The following WWOX variants were observed in gnomAD, a reference collection of about 807,000 sequenced individuals.
The protein encoded by WWOX is WW domain-containing oxidoreductase.
Under a neutral mutation model 46.2 loss-of-function variants are expected in WWOX, and 69 were observed. That is an observed-to-expected ratio of 1.49 (90% confidence interval 1.23 to 1.82). WWOX has a LOEUF of 1.82. WWOX is among the 40% of genes most tolerant of loss of function. The pLI is 0.00. For missense variants in WWOX, 919 were observed against 542.6 expected (o/e 1.69, Z -6.89); for synonymous variants, 359 against 202.6 (o/e 1.77, Z -6.56).
chr16:78,826,642 C>T (rs1429848292), intron 8 of WWOX, among the ~76,000 whole-genome samples: 3 of 152,182 alleles, frequency 2.0e-5, no homozygotes, highest in Admixed American at 6.5e-5. Context: ...TGGCTGATCT[C>T]ATGTCAAGAT....
At chr16:78,151,913 A>G (rs765709858) in intron 4 of WWOX, among the ~76,000 whole-genome samples, 1 of 152,172 alleles carries the variant, frequency 6.6e-6, no homozygotes, top group Non-Finnish European at 1.5e-5. Flanking sequence ...CATGGAGGCC[A>G]GGCGCGGTGG....
chr16:78,314,591 A>G (rs1209472888), intron 5 of WWOX, among the ~76,000 whole-genome samples: 1 of 140,934 alleles, frequency 7.1e-6, no homozygotes, highest in Non-Finnish European at 1.5e-5. Flanking sequence ...ATGGCGTGAT[A>G]CTGGCTCACT....
At chr16:78,873,792 G>C (rs140469030) in intron 8 of WWOX, among the ~76,000 whole-genome samples, 1,717 of 152,128 alleles carry the variant, frequency 0.011, 22 homozygotes, top group Middle Eastern at 0.024. Context: ...GCCTCAAAAA[G>C]TAAATAAAAT....
chr16:78,708,809 T>A (rs1296119968), intron 8 of WWOX, among the ~76,000 whole-genome samples: 3 of 152,122 alleles, frequency 2.0e-5, no homozygotes, highest in Admixed American at 6.5e-5. Flanking sequence ...AGAAACCAGG[T>A]GTTGGCCATA....
intron 8 of WWOX, among the ~76,000 whole-genome samples, chr16:79,058,121 CA>C (rs2048297372): frequency 3.4e-5 from 1 of 29,672 alleles, no homozygotes. Context: ...AAAAAAAAAA[CA>C]AACAAACAAA....
chr16:79,013,911 C>T (rs1344063219), intron 8 of WWOX, among the ~76,000 whole-genome samples: 4 of 152,094 alleles, frequency 2.6e-5, no homozygotes, highest in African/African-American at 4.8e-5. Context: ...CCGGGTCCAG[C>T]GACAAGAACA....
At chr16:78,331,780 G>A (rs73576450) in intron 5 of WWOX, among the ~76,000 whole-genome samples, 2,024 of 152,280 alleles carry the variant, frequency 0.013, 52 homozygotes, top group African/African-American at 0.047. Context: ...CGAAGTGCCA[G>A]TTGTGTGCCT....
chr16:78,979,382 A>G lies in WWOX; in HGVS notation c.1057-232226A>G, dbSNP rs561180488. On this transcript the variant is annotated intron_variant, in intron 8 of 8. Transcript: ENST00000566780. ...AGTGAAAACTGCTTCTGTTATTAAC[A>G]TCAGCAGCAGCAACAAGAAGAGAGA... Among the ~76,000 whole-genome samples the G allele has an allele frequency of 3.2e-3, 487 of 152,260 alleles. 8 individuals are homozygous for G. The highest frequency in any genetic ancestry group is 4.0e-4 in the Non-Finnish European group (27 of 68,026).
intron 8 of WWOX, among the ~76,000 whole-genome samples, chr16:78,975,306 T>C (rs1244971960): frequency 1.3e-5 from 2 of 152,046 alleles, no homozygotes; most frequent in Non-Finnish European, 2.9e-5. Context: ...TAGGATGAGG[T>C]AATAGTGTGC....
intron 8 of WWOX, among the ~76,000 whole-genome samples, chr16:78,968,149 G>A (rs113974025): frequency 1.5e-4 from 22 of 149,000 alleles, no homozygotes; most frequent in African/African-American, 4.5e-4. Flanking sequence ...GGCACAGCGC[G>A]TGGTCCGCGT....
chr16:78,345,466 A>C (rs2081078288), intron 5 of WWOX, among the ~76,000 whole-genome samples: 1 of 38,206 alleles, frequency 2.6e-5, no homozygotes, highest in Admixed American at 2.6e-4. Flanking sequence ...ACCAAAAAAA[A>C]AAAAAAAAAA....
At chr16:78,236,336 G>A (rs1218936380) in intron 5 of WWOX, among the ~76,000 whole-genome samples, 2 of 152,182 alleles carry the variant, frequency 1.3e-5, no homozygotes, top group Non-Finnish European at 2.9e-5. Flanking sequence ...AAAGGATGGT[G>A]GGAGATAGTT....
intron 8 of WWOX, among the ~76,000 whole-genome samples, chr16:78,887,940 G>C (rs1208745628): frequency 6.6e-6 from 1 of 152,158 alleles, no homozygotes; most frequent in African/African-American, 2.4e-5. Context: ...ATTCACATTA[G>C]AAAGCTCACT....
chr16:78,255,424 A>T (rs2038101159), intron 5 of WWOX, among the ~76,000 whole-genome samples: 1 of 152,256 alleles, frequency 6.6e-6, no homozygotes, highest in African/African-American at 2.4e-5. Flanking sequence ...CGCTGGATAA[A>T]TTAGCGTTTG....
chr16:79,053,495 G>A (rs371858318), intron 8 of WWOX, among the ~76,000 whole-genome samples: 1 of 152,146 alleles, frequency 6.6e-6, no homozygotes. Flanking sequence ...GCACAGTAAG[G>A]TAATGTAAAT....
At chr16:79,122,575 CCTCT>C (rs1018026667) in intron 8 of WWOX, among the ~76,000 whole-genome samples, 4 of 151,316 alleles carry the variant, frequency 2.6e-5, no homozygotes, top group South Asian at 2.1e-4. Context: ...TCTTTCTTTC[CCTCT>C]CTCTTTCTCC....
At chr16:78,997,776 C>T (rs951323566) in intron 8 of WWOX, among the ~76,000 whole-genome samples, 1 of 152,134 alleles carries the variant, frequency 6.6e-6, no homozygotes. Flanking sequence ...GTAAGGTCAA[C>T]CAAGTATGGG....
intron 5 of WWOX, among the ~76,000 whole-genome samples, chr16:78,272,977 A>C (rs529007420): frequency 1.3e-5 from 2 of 152,330 alleles, no homozygotes; most frequent in African/African-American, 4.8e-5. Context: ...ACATAATAAT[A>C]GATGGTTACT....
intron 8 of WWOX, among the ~76,000 whole-genome samples, chr16:79,208,520 G>C (rs2051598632): frequency 6.6e-6 from 1 of 152,152 alleles, no homozygotes; most frequent in South Asian, 2.1e-4. Context: ...TAACGGAGTT[G>C]TTAACATTAT....
Sources: allele counts gnomAD v4.1 joint callset (sites outside exome capture counted in the v4.1 genomes callset), GRCh38; gene constraint gnomAD v4.1.1; transcripts MANE v1.5; gene names NCBI Gene and HGNC (gene_info 2026-07-23, HGNC 2026-07-21).